DTYMK: variants seen among roughly 807,000 people sequenced by gnomAD.
DTYMK encodes the protein deoxythymidylate kinase, also known as thymidylate kinase.
DTYMK carries 20 observed loss-of-function variants against 20.3 expected under a neutral mutation model. The observed-to-expected ratio is 0.99, with a 90% CI of 0.69 to 1.43. DTYMK has a LOEUF of 1.43. Ranked by LOEUF, DTYMK falls within the 40% of genes most tolerant of loss-of-function variation. DTYMK has a pLI of 0.00. For synonymous variants in DTYMK, 148 were observed against 124.4 expected (o/e 1.19, Z -1.27); for missense variants, 320 against 291.1 (o/e 1.10, Z -0.72).
At position 241,686,680 on chromosome 2, in the gene DTYMK, T is replaced by C. The variant is rs1218616695; in HGVS notation, c.104A>G (p.His35Arg). ...CGGGAACCGGAGCAGTTCGGCGCGG[T>C]GGCCCGCGGCGCACAGCGCTTCCAC... is the stretch of plus-strand genomic sequence containing the variant. ...KLVEALCAAG[H>R]RAELLRFPER... The change falls in exon 1 of 5, where the codon CAC (histidine) becomes CGC (arginine). Residue 35 changes from histidine (H) to arginine (R), a missense_variant. Transcript: ENST00000305784. 1.3e-6 allele frequency: 2 copies of C among 1,528,828 alleles called. No homozygotes were observed. The highest frequency in any genetic ancestry group is 2.6e-5 in the East Asian group (1 of 38,814). The allele number at this position is 1,528,828 out of a possible 1,614,324, so 94.7% of individuals were successfully genotyped here.
intron 2 of DTYMK, chr2:241,685,563 T>C: frequency 2.0e-6 from 1 of 489,254 alleles, no homozygotes; most frequent in Non-Finnish European, 3.7e-6. Flanking sequence ...TTATGGGGTG[T>C]GGGGAGCAGG....
Position 241,675,944 on chromosome 2 carries a change from C to T in DTYMK, c.*183G>A. ...GCTCATGTCCACACTGCCAAGGTCC[C>T]CACCACGGGGGTCCCCAGTGCACCC... On this transcript the variant is annotated 3_prime_UTR_variant, in exon 5 of 5. Coordinates refer to ENST00000305784, the MANE Select transcript of DTYMK (RefSeq NM_012145.4). The T allele has an allele frequency of 1.8e-6, 1 of 571,368 alleles. No individual in the cohort carries two copies. 35.4% of individuals were successfully genotyped at this position (571,368 alleles called of 1,614,324 possible).
chr2:241,680,240 C>T lies in DTYMK; in HGVS notation c.319G>A (p.Gly107Ser), dbSNP rs140262226. ...CAAGTGGCACTCACCTCCTTGGCAC[C>T]GGTGAAGGCCACACCAGAAAATGCG... Reference protein sequence around the residue: ...RYAFSGVAFTGAKENFSLDWC... With the variant: ...RYAFSGVAFTSAKENFSLDWC... The change falls in exon 3 of 5, where the codon GGT becomes AGT. Residue 107 changes from glycine to serine, a missense_variant. Physicochemically the swap from Gly to Ser is moderately conservative, Grantham distance 56 (BLOSUM62 0). Coordinates refer to ENST00000305784, the MANE Select transcript of DTYMK (RefSeq NM_012145.4). 1.8e-5 allele frequency: 29 copies of T among 1,614,012 alleles called. No individual in the cohort carries two copies. The highest frequency in any genetic ancestry group is 6.7e-5 in the East Asian group (3 of 44,882).
chr2:241,681,762 G>A (rs565897567), intron 2 of DTYMK, among the ~76,000 whole-genome samples: 1 of 152,346 alleles, frequency 6.6e-6, no homozygotes, highest in African/African-American at 2.4e-5. Flanking sequence ...AAGGACAGCC[G>A]GACGTGGTGG....
chr2:241,685,673 CTG>C, intron 2 of DTYMK, 94 bp downstream of exon 2: 2 of 1,310,828 alleles, frequency 1.5e-6, no homozygotes, highest in Non-Finnish European at 1.1e-6. Context: ...CCCAGCACTA[CTG>C]TCACTGTCAT....
intron 2 of DTYMK, chr2:241,682,122 T>G (rs890783325): frequency 2.6e-6 from 1 of 382,416 alleles, no homozygotes; most frequent in Non-Finnish European, 5.2e-6. Context: ...GAGGACTGCT[T>G]GGGTCCAGGA....
chr2:241,686,681 G>T lies in DTYMK; in HGVS notation c.103C>A (p.His35Asn). The T allele has an allele frequency of 6.5e-7, 1 of 1,530,462 alleles. No individual in the cohort carries two copies. The highest frequency in any genetic ancestry group is 1.2e-5 in the South Asian group (1 of 83,954). 94.8% of individuals were successfully genotyped at this position (1,530,462 alleles called of 1,614,324 possible). Residue 35 changes from histidine to asparagine, a missense_variant, in exon 1 of 5, where the codon CAC (histidine) becomes AAC (asparagine). Coordinates refer to ENST00000305784, the MANE Select transcript of DTYMK (RefSeq NM_012145.4). ...KLVEALCAAGHRAELLRFPER... is the reference protein window; with the variant it reads ...KLVEALCAAGNRAELLRFPER... ...GGGAACCGGAGCAGTTCGGCGCGGT[G>T]GCCCGCGGCGCACAGCGCTTCCACC...
intron 2 of DTYMK, chr2:241,684,753 C>A (rs780631697): frequency 2.2e-6 from 1 of 463,642 alleles, no homozygotes; most frequent in South Asian, 1.6e-5. Flanking sequence ...AAACCTACTA[C>A]AATGATGTAA....
rs1043345618 is a variant in DTYMK at position 241,681,037 on chromosome 2, T to C, written c.240-718A>G. ...GCACAGCCAGCAGGTGACTCATCCA[T>C]GCTCATGACCCCTAGCCTGGACTGC... is the stretch of plus-strand genomic sequence containing the variant. On this transcript the variant is annotated intron_variant, in intron 2 of 4. Transcript: ENST00000305784. Among the ~76,000 whole-genome samples the C allele has an allele frequency of 7.2e-5, 11 of 152,178 alleles. No individual in the cohort carries two copies. The East Asian group carries it at 7.7e-4, about 11-fold the overall frequency.
intron 3 of DTYMK, among the ~76,000 whole-genome samples, chr2:241,678,874 T>C (rs4675902): frequency 0.025 from 3,840 of 152,248 alleles, 203 homozygotes; most frequent in East Asian, 0.17. Flanking sequence ...AGTAGGTAGA[T>C]AGAACGGCTG....
Position 241,685,872 on chromosome 2 carries a change from A to C in DTYMK, c.136T>G (p.Ser46Ala). The C allele has an allele frequency of 6.2e-7, 1 of 1,614,062 alleles. No individual in the cohort carries two copies. Among genetic ancestry groups the C allele is most frequent in the Non-Finnish European group, 8.5e-7 (1 of 1,179,922 alleles). ...CTCAGAAGTTTGCCGATTTCAGTTG[A>C]TCTTTCTAGAAAAAAAGAGAAACAC... Reference protein sequence around the residue: ...RAELLRFPERSTEIGKLLSSY... With the variant: ...RAELLRFPERATEIGKLLSSY... The change falls in exon 2 of 5, where the codon TCA becomes GCA. Residue 46 changes from serine (S) to alanine (A), a missense_variant. Ser to Ala is a moderately conservative substitution (Grantham distance 99). Coordinates refer to ENST00000305784, the MANE Select transcript of DTYMK (RefSeq NM_012145.4).
chr2:241,678,508 C>T lies in DTYMK; in HGVS notation c.472G>A (p.Glu158Lys). 3 of 1,614,182 alleles carry T rather than the reference C, an allele frequency of 1.9e-6. No homozygotes were observed. The highest frequency in any genetic ancestry group is 2.5e-6 in the Non-Finnish European group (3 of 1,180,044). Residue 158 changes from glutamate to lysine, a missense_variant, in exon 4 of 5, where the codon GAG (glutamate) becomes AAG (lysine). Glu to Lys is a moderately conservative substitution (Grantham distance 56). Coordinates refer to ENST00000305784, the MANE Select transcript of DTYMK (RefSeq NM_012145.4). ...HERYENGAFQ[E>K]RALRCFHQLM... ...TGGTGGAAACACCGGAGCGCCCGCT[C>T]CTGGAAAGCCCCGTTCTCATAGCGC...
intron 4 of DTYMK, among the ~76,000 whole-genome samples, chr2:241,676,439 G>A (rs1157883454): frequency 1.3e-5 from 2 of 152,202 alleles, no homozygotes; most frequent in South Asian, 2.1e-4. Flanking sequence ...TCCAGCCTGG[G>A]TGACACAGTA....
At chr2:241,682,222 T>G (rs749639799) in intron 2 of DTYMK, 2 of 453,286 alleles carry the variant, frequency 4.4e-6, no homozygotes, top group Non-Finnish European at 8.8e-6. Flanking sequence ...GTGCCTATAG[T>G]TGCAGCTACT....
Position 241,685,789 on chromosome 2 carries a change from A to G in DTYMK, c.219T>C (p.Ser73=). The G allele has an allele frequency of 1.9e-6, 3 of 1,614,120 alleles. No individual in the cohort carries two copies. The highest frequency in any genetic ancestry group is 2.5e-6 in the Non-Finnish European group (3 of 1,179,944). ...VEDHSVHLLF[S]ANRWEQVPLI... ...TTTACACTTGTTCCCAGCGATTTGC[A>G]GAAAAAAGCAGGTGCACCGAGTGAT... Residue 73 remains serine, a synonymous_variant, in exon 2 of 5, where the codon TCT becomes TCC. Transcript: ENST00000305784.
intron 4 of DTYMK, 73 bp from the exon 5 acceptor site, chr2:241,676,310 C>G: frequency 7.0e-7 from 1 of 1,425,608 alleles, no homozygotes; most frequent in Non-Finnish European, 9.5e-7. Flanking sequence ...GAGCCCACGC[C>G]TGTAATCCCA....
In DTYMK at chr2:241,686,766, C is replaced by T. The variant is rs376486491; in HGVS notation, c.18G>A (p.Gly6=). Reference sequence around the variant, plus strand: ...CCACGCCCTCCAGCACTATGAGAGCCCCGCGCCGGGCCGCCATGACTGTCC... The same window carrying T: ...CCACGCCCTCCAGCACTATGAGAGCTCCGCGCCGGGCCGCCATGACTGTCC... MAARR[G]ALIVLEGVDR... Residue 6 remains glycine (G), a synonymous_variant, in exon 1 of 5, where the codon GGG becomes GGA. Coordinates refer to ENST00000305784, the MANE Select transcript of DTYMK (RefSeq NM_012145.4). 6.1e-6 allele frequency: 9 copies of T among 1,467,142 alleles called. No individual in the cohort carries two copies. The highest frequency in any genetic ancestry group is 7.1e-6 in the Non-Finnish European group (8 of 1,123,958). The allele number at this position is 1,467,142 out of a possible 1,614,324, so 90.9% of individuals were successfully genotyped here.
Position 241,686,812 on chromosome 2 carries a change from C to A in DTYMK, c.-29G>T. On this transcript the variant is annotated 5_prime_UTR_variant, in exon 1 of 5. Coordinates refer to ENST00000305784, the MANE Select transcript of DTYMK (RefSeq NM_012145.4). Reference sequence around the variant, plus strand: ...TGTCCACCGCCCGCCGCTGGCGTCTCCACGCAGCCTTCCGGAGCTCCCATT... The same window carrying A: ...TGTCCACCGCCCGCCGCTGGCGTCTACACGCAGCCTTCCGGAGCTCCCATT... 1 of 1,433,440 alleles carries A rather than the reference C, an allele frequency of 7.0e-7. No homozygotes were observed. The highest frequency in any genetic ancestry group is 9.1e-7 in the Non-Finnish European group (1 of 1,103,334). The allele number at this position is 1,433,440 out of a possible 1,614,324, so 88.8% of individuals were successfully genotyped here.
chr2:241,684,827 C>G (rs1467034705), intron 2 of DTYMK: 1 of 431,050 alleles, frequency 2.3e-6, no homozygotes, highest in East Asian at 7.1e-5. Flanking sequence ...TATTGGTTAT[C>G]AATTTTAACA....
Sources: gnomAD v4.1 joint callset for allele counts (sites outside exome capture counted in the v4.1 genomes callset) on GRCh38, gnomAD v4.1.1 for gene constraint, MANE v1.5 for transcripts, NCBI Gene and HGNC (gene_info 2026-07-23, HGNC 2026-07-21) for gene names.